Variants in MOB3B observed in about 807,000 individuals in gnomAD.
MOB3B encodes MOB kinase activator-like 2B.
A neutral mutation model predicts 18.7 loss-of-function variants in MOB3B; 7 were observed. The observed-to-expected ratio is 0.37, with a 90% confidence interval of 0.21 to 0.70. The LOEUF is 0.70. Among genes scored for constraint, MOB3B ranks in the 30% least tolerant of loss-of-function variants. The pLI is 0.52. For synonymous variants in MOB3B, 111 were observed against 99.9 expected (o/e 1.11, Z -0.66); for missense variants, 253 against 281.3 (o/e 0.90, Z 0.72).
chr9:27,330,575 T>A lies in MOB3B; in HGVS notation c.*12A>T. The A allele has an allele frequency of 6.2e-7, 1 of 1,613,542 alleles. No homozygotes were observed. Among genetic ancestry groups the A allele is most frequent in the Non-Finnish European group, 8.5e-7 (1 of 1,179,830 alleles). ...AACAGCTTTCCTTTCTTCCAAAGGG[T>A]GAGGTGGAGCATTAGTGACACATCC... On this transcript the variant is annotated 3_prime_UTR_variant, in exon 4 of 4. Coordinates refer to ENST00000262244, the MANE Select transcript of MOB3B (RefSeq NM_024761.5).
chr9:27,438,738 A>G (rs1299826014), intron 2 of MOB3B, among the ~76,000 whole-genome samples: 2 of 152,166 alleles, frequency 1.3e-5, no homozygotes, highest in African/African-American at 4.8e-5. Flanking sequence ...ATGAAGTCCA[A>G]TCAGCCCCGT....
intron 2 of MOB3B, chr9:27,378,736 G>A (rs1342509910): frequency 2.2e-6 from 1 of 464,680 alleles, no homozygotes; most frequent in East Asian, 7.0e-5. Flanking sequence ...AGCTGGGCAT[G>A]TGACCAAAGT....
chr9:27,330,548 G>A lies in MOB3B; in HGVS notation c.*39C>T, dbSNP rs1208475551. 5 of 1,613,476 alleles carry A rather than the reference G, an allele frequency of 3.1e-6. No homozygotes were observed. The African/African-American group carries it at 4.0e-5, about 13-fold the overall frequency. ...TCCTGCCCGCTCAGGGCACCAGGAGGAAACAGCTTTCCTTTCTTCCAAAGG... is the reference window on the plus strand; with the variant it reads ...TCCTGCCCGCTCAGGGCACCAGGAGAAAACAGCTTTCCTTTCTTCCAAAGG... On this transcript the variant is annotated 3_prime_UTR_variant, in exon 4 of 4. Coordinates refer to ENST00000262244, the MANE Select transcript of MOB3B (RefSeq NM_024761.5).
chr9:27,334,472 G>C (rs1336900401), intron 3 of MOB3B, among the ~76,000 whole-genome samples: 2 of 152,164 alleles, frequency 1.3e-5, no homozygotes, highest in African/African-American at 4.8e-5. Context: ...GGACGGTGGG[G>C]GTGGATGAAA....
intron 3 of MOB3B, among the ~76,000 whole-genome samples, chr9:27,345,475 A>C (rs924846955): frequency 8.5e-5 from 13 of 152,138 alleles, no homozygotes; most frequent in Non-Finnish European, 1.5e-5. Flanking sequence ...AATTCACCTA[A>C]AATGCTAGAG....
intron 2 of MOB3B, among the ~76,000 whole-genome samples, chr9:27,366,519 A>T (rs1003308336): frequency 6.6e-6 from 1 of 152,132 alleles, no homozygotes; most frequent in Admixed American, 6.5e-5. Flanking sequence ...TACTTATTTT[A>T]TCTTGTTATG....
chr9:27,336,162 A>C (rs1306980898), intron 3 of MOB3B, among the ~76,000 whole-genome samples: 1 of 152,230 alleles, frequency 6.6e-6, no homozygotes, highest in Non-Finnish European at 1.5e-5. Flanking sequence ...GGAGGCCCAG[A>C]AATTTGAACT....
At chr9:27,381,193 C>T (rs1563854618) in intron 2 of MOB3B, among the ~76,000 whole-genome samples, 7 of 152,146 alleles carry the variant, frequency 4.6e-5, no homozygotes, top group South Asian at 4.2e-4. Flanking sequence ...TTTAAGTTCT[C>T]GGTAGAATTA....
intron 1 of MOB3B, among the ~76,000 whole-genome samples, chr9:27,494,533 C>A (rs113156372): frequency 0.015 from 2,350 of 152,180 alleles, 70 homozygotes; most frequent in African/African-American, 0.054. Flanking sequence ...AAAGAACCTA[C>A]GTGAATATCA....
intron 1 of MOB3B, among the ~76,000 whole-genome samples, chr9:27,512,055 T>G (rs1435355166): frequency 1.3e-5 from 2 of 152,134 alleles, no homozygotes; most frequent in Non-Finnish European, 2.9e-5. Context: ...TCCTCCATGC[T>G]CCTGCCCCTT....
chr9:27,459,952 C>G (rs1437701776), intron 1 of MOB3B, among the ~76,000 whole-genome samples: 1 of 148,072 alleles, frequency 6.8e-6, no homozygotes, highest in Admixed American at 6.7e-5. Context: ...ATGTCATGAA[C>G]TGCACCCATG....
chr9:27,505,382 T>TA (rs1459254897), intron 1 of MOB3B, among the ~76,000 whole-genome samples: 1 of 152,190 alleles, frequency 6.6e-6, no homozygotes, highest in Non-Finnish European at 1.5e-5. Flanking sequence ...AGTCCCTAGA[T>TA]ACATTCTACA....
chr9:27,339,022 G>T (rs563039041), intron 3 of MOB3B, among the ~76,000 whole-genome samples: 15 of 152,300 alleles, frequency 9.8e-5, no homozygotes, highest in Admixed American at 2.0e-4. Context: ...AGCTGTTTGT[G>T]TGAGGCTGTG....
Position 27,328,318 on chromosome 9 carries a change from G to C in MOB3B, c.*2269C>G, listed in dbSNP as rs144805611. 1.8e-4 allele frequency: 28 copies of C among 151,638 alleles called. No homozygotes were observed. The East Asian group carries it at 5.4e-3, about 29-fold the overall frequency. The allele number at this position is 151,638 out of a possible 1,614,324, so 9.4% of individuals were successfully genotyped here. A position where few individuals can be genotyped will look rare whatever the true frequency, so the allele number is the denominator to read the frequency against. On this transcript the variant is annotated 3_prime_UTR_variant, in exon 4 of 4. Coordinates refer to ENST00000262244, the MANE Select transcript of MOB3B (RefSeq NM_024761.5). ...CAGTTAGATGCAGTCAAGCAGAGGA[G>C]ATAAAAATTGACTGCAGAGATTTTC...
At chr9:27,444,238 G>GGGAAGGAA (rs1224881943) in intron 2 of MOB3B, among the ~76,000 whole-genome samples, 5 of 107,908 alleles carry the variant, frequency 4.6e-5, no homozygotes, top group East Asian at 2.8e-4. Flanking sequence ...GAGGGAGGGA[G>GGGAAGGAA]GGAAGGAAGG....
rs754440190 is a variant in MOB3B at position 27,455,557 on chromosome 9, C to T, written c.-7G>A. ...GCTTCAGGGCTATGGACATGGTCTT[C>T]TCTTTCGCTTCCTTTCTTTTGCAGG... On this transcript the variant is annotated 5_prime_UTR_variant, in exon 2 of 4. Transcript: ENST00000262244. The T allele has an allele frequency of 3.1e-6, 5 of 1,613,916 alleles. No homozygotes were observed. Among genetic ancestry groups the T allele is most frequent in the East Asian group, 2.2e-5 (1 of 44,894 alleles).
intron 2 of MOB3B, among the ~76,000 whole-genome samples, chr9:27,399,255 C>T (rs1186356894): frequency 6.6e-6 from 1 of 152,130 alleles, no homozygotes; most frequent in African/African-American, 2.4e-5. Flanking sequence ...CCCAGTGGGG[C>T]CCTGAATTAA....
chr9:27,476,840 T>C (rs558785044), intron 1 of MOB3B, among the ~76,000 whole-genome samples: 28 of 152,326 alleles, frequency 1.8e-4, no homozygotes, highest in African/African-American at 6.3e-4. Context: ...TACTCCTAGA[T>C]AGTGACTGAG....
chr9:27,479,589 A>T (rs1819615756), intron 1 of MOB3B, among the ~76,000 whole-genome samples: 1 of 152,218 alleles, frequency 6.6e-6, no homozygotes, highest in Non-Finnish European at 1.5e-5. Context: ...AGCAATGATA[A>T]GCAAAGAAGA....
Sources: allele counts gnomAD v4.1 joint callset (sites outside exome capture counted in the v4.1 genomes callset), GRCh38; gene constraint gnomAD v4.1.1; transcripts MANE v1.5; gene names NCBI Gene and HGNC (gene_info 2026-07-23, HGNC 2026-07-21).